DGKG: variants seen among roughly 807,000 people sequenced by gnomAD.
The protein encoded by DGKG is DAG kinase gamma.
Under a neutral mutation model 105.3 loss-of-function variants are expected in DGKG, and 78 were observed. The ratio of observed to expected loss-of-function variants is 0.74; its 90% CI spans 0.62 to 0.89. DGKG has a LOEUF of 0.89. Among genes scored for constraint, DGKG ranks in the 40% least tolerant of loss-of-function variants. The probability of loss-of-function intolerance (pLI) is 0.00; values close to 1 mark genes in which losing one functional copy is unlikely to be tolerated. For missense variants in DGKG, 958 were observed against 1,020.1 expected (o/e 0.94, Z 0.83); for synonymous variants, 346 against 367.1 (o/e 0.94, Z 0.66).
At chr3:186,331,124 A>G (rs1297669681) in intron 1 of DGKG, among the ~76,000 whole-genome samples, 1 of 152,254 alleles carries the variant, frequency 6.6e-6, no homozygotes, top group Non-Finnish European at 1.5e-5. Flanking sequence ...AATATCCTTC[A>G]CAAACTAATA....
At chr3:186,356,815 G>T (rs1726986625) in intron 1 of DGKG, among the ~76,000 whole-genome samples, 1 of 152,174 alleles carries the variant, frequency 6.6e-6, no homozygotes, top group African/African-American at 2.4e-5. Context: ...TTAAGAGCTG[G>T]TTCAGGACTC....
At chr3:186,299,354 C>T (rs536467576) in intron 3 of DGKG, among the ~76,000 whole-genome samples, 5 of 152,286 alleles carry the variant, frequency 3.3e-5, no homozygotes, top group Non-Finnish European at 4.4e-5. Flanking sequence ...GACTGGCTTA[C>T]ATGTGTATAA....
chr3:186,343,280 A>G (rs559800340), intron 1 of DGKG, among the ~76,000 whole-genome samples: 2 of 152,172 alleles, frequency 1.3e-5, no homozygotes, highest in African/African-American at 2.4e-5. Context: ...AGCAAATCTA[A>G]TCTTCTTTCT....
intron 1 of DGKG, among the ~76,000 whole-genome samples, chr3:186,336,066 T>C (rs573242706): frequency 2.8e-4 from 42 of 152,302 alleles, no homozygotes; most frequent in African/African-American, 1.0e-3. Flanking sequence ...AGCTGCCTTG[T>C]CCAAGGTCAT....
At chr3:186,154,520 C>G (rs563960210) in intron 24 of DGKG, among the ~76,000 whole-genome samples, 30 of 151,780 alleles carry the variant, frequency 2.0e-4, no homozygotes, top group African/African-American at 7.2e-4. Flanking sequence ...TAGTGGGCGC[C>G]TGGAATTCCA....
intron 11 of DGKG, among the ~76,000 whole-genome samples, chr3:186,269,244 G>T (rs537520862): frequency 6.6e-6 from 1 of 152,376 alleles, no homozygotes; most frequent in Admixed American, 6.5e-5. Context: ...GCAGAGTGAT[G>T]TGTTTGTATG....
intron 20 of DGKG, among the ~76,000 whole-genome samples, chr3:186,238,729 C>T (rs1234342649): frequency 6.6e-6 from 1 of 152,168 alleles, no homozygotes. Flanking sequence ...CGTTAAAGGC[C>T]TTTTCTTTTT....
chr3:186,334,167 T>C (rs1015400001), intron 1 of DGKG, among the ~76,000 whole-genome samples: 5 of 152,214 alleles, frequency 3.3e-5, no homozygotes, highest in Non-Finnish European at 5.9e-5. Flanking sequence ...TCTATATTAA[T>C]GCAATCCTTA....
chr3:186,247,227 C>A (rs980131851), intron 19 of DGKG, among the ~76,000 whole-genome samples: 1 of 152,132 alleles, frequency 6.6e-6, no homozygotes, highest in Admixed American at 6.5e-5. Context: ...GCAATGAGGG[C>A]ACAGTCACTC....
intron 18 of DGKG, 143 bp from the exon 19 acceptor site, chr3:186,252,062 G>A (rs940858106): frequency 2.8e-5 from 20 of 711,060 alleles, no homozygotes; most frequent in African/African-American, 7.4e-5. Flanking sequence ...AGACACTTAC[G>A]TTCCCCGAGC....
intron 9 of DGKG, among the ~76,000 whole-genome samples, chr3:186,277,657 G>A (rs1366144387): frequency 6.6e-6 from 1 of 152,198 alleles, no homozygotes; most frequent in African/African-American, 2.4e-5. Context: ...GATATAAGAA[G>A]TGCATGGACC....
intron 20 of DGKG, among the ~76,000 whole-genome samples, chr3:186,241,488 G>A (rs549707503): frequency 3.3e-5 from 5 of 152,044 alleles, no homozygotes; most frequent in African/African-American, 1.2e-4. Flanking sequence ...GGGAGGAGGA[G>A]GTTGCAGTGA....
intron 22 of DGKG, among the ~76,000 whole-genome samples, chr3:186,187,760 G>A (rs1026383880): frequency 6.6e-6 from 1 of 152,164 alleles, no homozygotes; most frequent in Non-Finnish European, 1.5e-5. Flanking sequence ...AAATGAGACC[G>A]AGAAGGAGTG....
In DGKG at chr3:186,211,899, C is replaced by A; in HGVS notation, c.1827-14G>T. On this transcript the variant is annotated splice_polypyrimidine_tract_variant and intron_variant, in intron 20 of 24. Coordinates refer to ENST00000265022, the MANE Select transcript of DGKG (RefSeq NM_001346.3). ...TTGTTCTTCATCCTGGACCACAAAG[C>A]AGAGAGATGTCTCAATATTCCATAC... The A allele has an allele frequency of 6.2e-7, 1 of 1,603,140 alleles. No homozygotes were observed. Among genetic ancestry groups the A allele is most frequent in the Non-Finnish European group, 8.5e-7 (1 of 1,170,026 alleles).
At chr3:186,196,091 T>A (rs993442198) in intron 21 of DGKG, among the ~76,000 whole-genome samples, 1 of 152,012 alleles carries the variant, frequency 6.6e-6, no homozygotes, top group Non-Finnish European at 1.5e-5. Flanking sequence ...CTCCATAAAT[T>A]ATTTCTCGTA....
At chr3:186,222,335 T>G (rs1479045574) in intron 20 of DGKG, among the ~76,000 whole-genome samples, 1 of 152,206 alleles carries the variant, frequency 6.6e-6, no homozygotes, top group Admixed American at 6.5e-5. Context: ...ACCCATTAGG[T>G]ACCCAAACTA....
chr3:186,250,766 T>A (rs1721180105), intron 19 of DGKG, among the ~76,000 whole-genome samples: 1 of 151,914 alleles, frequency 6.6e-6, no homozygotes, highest in Admixed American at 6.6e-5. Context: ...GCCAGGCTGG[T>A]CTCGAACTCC....
intron 6 of DGKG, among the ~76,000 whole-genome samples, chr3:186,287,382 G>A (rs941502940): frequency 5.9e-5 from 9 of 152,270 alleles, no homozygotes; most frequent in African/African-American, 1.4e-4. Flanking sequence ...GGGAATGGTG[G>A]GAAGTATAAA....
chr3:186,224,536 T>C (rs887176147), intron 20 of DGKG, among the ~76,000 whole-genome samples: 4 of 152,156 alleles, frequency 2.6e-5, no homozygotes, highest in African/African-American at 9.7e-5. Context: ...CACCAATGAA[T>C]TCGGTAAAAT....
Sources: gnomAD v4.1 joint callset for allele counts (sites outside exome capture counted in the v4.1 genomes callset) on GRCh38, gnomAD v4.1.1 for gene constraint, MANE v1.5 for transcripts, NCBI Gene and HGNC (gene_info 2026-07-23, HGNC 2026-07-21) for gene names.